KIF22: variants seen among roughly 807,000 people sequenced by gnomAD.
KIF22 encodes kinesin family member 22, also known as kinesin-like protein KIF22.
In KIF22, 62 loss-of-function variants were observed where a neutral mutation model predicts 73.0. The ratio of observed to expected loss-of-function variants is 0.85; its 90% CI spans 0.69 to 1.05. The LOEUF is 1.05. KIF22 is among the 50% of genes least tolerant of loss of function. KIF22 has a pLI of 0.00. For synonymous variants in KIF22, 411 were observed against 340.1 expected (o/e 1.21, Z -2.29); for missense variants, 854 against 870.1 (o/e 0.98, Z 0.23).
In KIF22 at chr16:29,798,964, T is replaced by C. The variant is rs1290613550; in HGVS notation, c.550-11T>C. ...ATGGAGAATTGCCCTTCCCCTTCAC[T>C]GCTTACACAGGTATTAGACCTCCTG... On this transcript the variant is annotated splice_polypyrimidine_tract_variant and intron_variant, in intron 4 of 13. Transcript: ENST00000160827. This position sits in a 1 kb window ranked among gnomAD's most constrained non-coding sequence, Gnocchi z 4.1. The C allele has an allele frequency of 6.2e-7, 1 of 1,613,548 alleles. No homozygotes were observed. Among genetic ancestry groups the C allele is most frequent in the Non-Finnish European group, 8.5e-7 (1 of 1,179,422 alleles).
At chr16:29,790,966 TGA>T in intron 1 of KIF22, 137 bp downstream of exon 1, 1 of 1,491,554 alleles carries the variant, frequency 6.7e-7, no homozygotes, top group African/African-American at 1.4e-5. Flanking sequence ...AGGGGGACGG[TGA>T]GAGTGTGGGG....
At chr16:29,803,944 G>T (rs1167882307) in intron 10 of KIF22, 54 bp from the exon 11 acceptor site, 4 of 1,332,180 alleles carry the variant, frequency 3.0e-6, no homozygotes, top group Non-Finnish European at 4.3e-6. Flanking sequence ...GGGCTACCAG[G>T]GAGGGTGAAA....
chr16:29,791,155 C>G, intron 1 of KIF22: 1 of 1,247,050 alleles, frequency 8.0e-7, no homozygotes, highest in Non-Finnish European at 1.0e-6. Context: ...CCCTGGAGAT[C>G]ACCTGAATAA....
In KIF22 at chr16:29,805,338, A is replaced by G. The variant is rs960507046; in HGVS notation, c.*28A>G. ...GTCGTCTCCTCACTCCGCCTTTTCA[A>G]ATTTTTGTATAACCCCGTGTTGTGT... On this transcript the variant is annotated 3_prime_UTR_variant, in exon 14 of 14. Coordinates refer to ENST00000160827, the MANE Select transcript of KIF22 (RefSeq NM_007317.3). The G allele has an allele frequency of 7.5e-6, 12 of 1,607,644 alleles. No individual in the cohort carries two copies. The highest frequency in any genetic ancestry group is 2.2e-5 in the East Asian group (1 of 44,870).
chr16:29,803,268 C>A, intron 9 of KIF22, 181 bp from the exon 10 acceptor site: 1 of 684,878 alleles, frequency 1.5e-6, no homozygotes. Context: ...CTCTGGGTAG[C>A]CCCCTAATCA....
chr16:29,799,441 C>T lies in KIF22; in HGVS notation c.937C>T (p.Gln313Ter). The part of the protein sequence containing the change: ...VLGKVVDALN[Q>*]GLPRVPYRDS... ...GGGCAAAGTGGTAGATGCGCTGAAT[C>T]AGGGCCTCCCTCGTGTACCTTATCG... Residue 313 changes from glutamine to a stop codon, truncating the protein, a stop_gained, in exon 6 of 14, where the codon CAG (glutamine) becomes TAG (stop). Coordinates refer to ENST00000160827, the MANE Select transcript of KIF22 (RefSeq NM_007317.3). LOFTEE classifies it high-confidence loss of function. 6.2e-7 allele frequency: 1 copy of T among 1,614,230 alleles called. No individual in the cohort carries two copies. Among genetic ancestry groups the T allele is most frequent in the Non-Finnish European group, 8.5e-7 (1 of 1,180,036 alleles).
Position 29,798,265 on chromosome 16 carries a change from C to T in KIF22, c.267-109C>T. On this transcript the variant is annotated intron_variant, in intron 2 of 13. Coordinates refer to ENST00000160827, the MANE Select transcript of KIF22 (RefSeq NM_007317.3). The surrounding 1 kb of genome is among the most constrained non-coding windows in gnomAD (Gnocchi z 4.1). ...AGAGACGTTCTCTTAAATCCAAGGT[C>T]CAGATGAGAGTAGAATCCCTTACCC... The T allele has an allele frequency of 6.6e-7, 1 of 1,526,596 alleles. No individual in the cohort carries two copies. 94.6% of individuals were successfully genotyped at this position (1,526,596 alleles called of 1,614,324 possible). A position where few individuals can be genotyped will look rare whatever the true frequency, so the allele number is the denominator to read the frequency against.
rs1899000253 is a variant in KIF22, at chr16:29,798,175, G to A, written c.267-199G>A. On this transcript the variant is annotated intron_variant, in intron 2 of 13. Transcript: ENST00000160827. The surrounding 1 kb of genome is among the most constrained non-coding windows in gnomAD (Gnocchi z 4.1). ...TATCTCTGTATTCCTAACACCAATA[G>A]AGAGATGAGGATGGAGTAGGTGTTA... Among the ~76,000 whole-genome samples the A allele has an allele frequency of 6.6e-6, 1 of 152,126 alleles. No individual in the cohort carries two copies. Among genetic ancestry groups the A allele is most frequent in the South Asian group, 2.1e-4 (1 of 4,816 alleles).
At chr16:29,805,060 C>T (rs1567363790) in intron 12 of KIF22, 34 bp downstream of exon 12, 1 of 848,290 alleles carries the variant, frequency 1.2e-6, no homozygotes, top group Non-Finnish European at 1.8e-6. Context: ...AGGGCGGGGG[C>T]GGGGGAGACC....
In KIF22 at chr16:29,794,727, G is replaced by A. The variant is rs556663949; in HGVS notation, c.71-2166G>A. ...CTCCCAAGTAGCTGGGATTACAGGC[G>A]TCCACCACCATACCTGACTAATTTT... is the stretch of plus-strand genomic sequence containing the variant. On this transcript the variant is annotated intron_variant, in intron 1 of 13. Transcript: ENST00000160827. 6.6e-4 allele frequency among the ~76,000 whole-genome samples: 100 copies of A among 152,070 alleles called. 1 individual carries two copies. The highest frequency in any genetic ancestry group is 1.6e-3 in the Admixed American group (25 of 15,268).
rs138675020 is a variant in KIF22, at chr16:29,799,907, A to G, written c.1145-6A>G. ...CCTCTCTCCACCCCATCCTCCAATC[A>G]TCTAGCCTTGGGACCTGTTAAGCTG... On this transcript the variant is annotated splice_polypyrimidine_tract_variant and splice_region_variant and intron_variant, in intron 7 of 13. Transcript: ENST00000160827. 1,273 of 1,613,926 alleles carry G rather than the reference A, an allele frequency of 7.9e-4. 12 individuals are homozygous for G. In the African/African-American group the frequency reaches 0.015, roughly 19 times the overall value.
At chr16:29,804,765 C>G (rs1242979166) in intron 11 of KIF22, 49 bp from the exon 12 acceptor site, 6 of 1,473,552 alleles carry the variant, frequency 4.1e-6, no homozygotes, top group Middle Eastern at 1.8e-4. Context: ...CAGAGGAGCC[C>G]AAAGCACTTG....
intron 1 of KIF22, among the ~76,000 whole-genome samples, chr16:29,793,786 A>G (rs1007431676): frequency 1.3e-5 from 2 of 152,160 alleles, no homozygotes; most frequent in African/African-American, 4.8e-5. Flanking sequence ...ATGCTGGTCT[A>G]GAGAAAGGAT....
chr16:29,792,263 G>T (rs1174498324), intron 1 of KIF22, among the ~76,000 whole-genome samples: 1 of 152,204 alleles, frequency 6.6e-6, no homozygotes, highest in East Asian at 1.9e-4. Context: ...ATAATTGCTA[G>T]CCTGGTCCAA....
At position 29,804,152 on chromosome 16, in the gene KIF22, T is replaced by C. The variant is rs541205361; in HGVS notation, c.1677+87T>C. The C allele has an allele frequency of 1.1e-5, 12 of 1,059,912 alleles. No homozygotes were observed. In the East Asian group the frequency reaches 2.6e-4, roughly 23 times the overall value. 65.7% of individuals were successfully genotyped at this position (1,059,912 alleles called of 1,614,324 possible). On this transcript the variant is annotated intron_variant, in intron 11 of 13. Transcript: ENST00000160827. ...AGGGGGAGGAGCGTTGGCCTTGGGG[T>C]TAAACGAACTGGATGATGGCCGCCA...
Position 29,805,180 on chromosome 16 carries a change from G to C in KIF22, c.1950+6G>C. Reference sequence around the variant, plus strand: ...AGATGGAGTCCTTCCTGAAGGTGAAGTCACGGCCCTGCCCCTCCTCTGCCT... The same window carrying C: ...AGATGGAGTCCTTCCTGAAGGTGAACTCACGGCCCTGCCCCTCCTCTGCCT... On this transcript the variant is annotated splice_donor_region_variant and intron_variant, in intron 13 of 13. Coordinates refer to ENST00000160827, the MANE Select transcript of KIF22 (RefSeq NM_007317.3). The C allele has an allele frequency of 1.2e-6, 2 of 1,614,152 alleles. No individual in the cohort carries two copies. Among genetic ancestry groups the C allele is most frequent in the Non-Finnish European group, 1.7e-6 (2 of 1,180,020 alleles).
intron 8 of KIF22, among the ~76,000 whole-genome samples, chr16:29,801,993 G>A (rs955374186): frequency 5.9e-5 from 9 of 152,122 alleles, no homozygotes; most frequent in African/African-American, 1.4e-4. Context: ...CTGACTGGGC[G>A]CAGTGGCTCA....
intron 8 of KIF22, among the ~76,000 whole-genome samples, chr16:29,802,433 T>C (rs889454993): frequency 7.2e-5 from 11 of 152,034 alleles, no homozygotes; most frequent in African/African-American, 2.4e-4. Context: ...TCTGTGATGT[T>C]TTCCGCAACT....
At chr16:29,800,973 C>T (rs1007152536) in intron 8 of KIF22, among the ~76,000 whole-genome samples, 5 of 152,094 alleles carry the variant, frequency 3.3e-5, no homozygotes, top group African/African-American at 1.2e-4. Flanking sequence ...ATTTTTGCTT[C>T]TGGTTCAAGG....
Sources: gnomAD v4.1 joint callset for allele counts (sites outside exome capture counted in the v4.1 genomes callset) on GRCh38, gnomAD v4.1.1 for gene constraint, Gnocchi (gnomAD v3.1) non-coding constraint, MANE v1.5 for transcripts, NCBI Gene and HGNC (gene_info 2026-07-23, HGNC 2026-07-21) for gene names.